The following NOL10 variants were observed in gnomAD, a reference collection of about 807,000 sequenced individuals.
NOL10 encodes the protein H_NH0074G24.1.
NOL10 carries 58 observed loss-of-function variants against 103.5 expected under a neutral mutation model. The ratio of observed to expected loss-of-function variants is 0.56; its 90% CI spans 0.45 to 0.70. The LOEUF is 0.70. Among genes scored for constraint, NOL10 ranks in the 30% least tolerant of loss-of-function variants. The probability of loss-of-function intolerance (pLI) is 0.00; values close to 1 mark genes in which losing one functional copy is unlikely to be tolerated. For synonymous variants in NOL10, 287 were observed against 282.5 expected (o/e 1.02, Z -0.16); for missense variants, 763 against 807.3 (o/e 0.95, Z 0.67).
At position 10,593,433 on chromosome 2, in the gene NOL10, C is replaced by T. The variant is rs531256379; in HGVS notation, c.1423-3682G>A. ...ATTACAGGCGTGAGCCACTGCACCC[C>T]GGCCAATCAAATTAGTTCTTTCAAT... On this transcript the variant is annotated intron_variant, in intron 17 of 20. Transcript: ENST00000381685. 5.3e-5 allele frequency among the ~76,000 whole-genome samples: 8 copies of T among 152,082 alleles called. No individual in the cohort carries two copies. The South Asian group carries it at 8.3e-4, about 16-fold the overall frequency.
chr2:10,642,476 A>G (rs925865636), intron 13 of NOL10, among the ~76,000 whole-genome samples: 1 of 152,008 alleles, frequency 6.6e-6, no homozygotes, highest in Non-Finnish European at 1.5e-5. Flanking sequence ...GTCTGATCCT[A>G]TCCCCCCGCT....
At chr2:10,674,394 A>G (rs908170809) in intron 4 of NOL10, among the ~76,000 whole-genome samples, 3 of 152,128 alleles carry the variant, frequency 2.0e-5, no homozygotes, top group Non-Finnish European at 4.4e-5. Context: ...GCCATTCAAA[A>G]TTCTAAGAAT....
chr2:10,598,924 A>G (rs566301033), intron 17 of NOL10, among the ~76,000 whole-genome samples: 64 of 152,354 alleles, frequency 4.2e-4, no homozygotes, highest in Non-Finnish European at 7.5e-4. Flanking sequence ...TGTTTTGTCA[A>G]AAATGTTTAA....
chr2:10,647,673 C>T (rs1031302977), intron 12 of NOL10, among the ~76,000 whole-genome samples: 5 of 152,218 alleles, frequency 3.3e-5, no homozygotes, highest in South Asian at 4.1e-4. Context: ...CTGGCAGGGG[C>T]GCTCCTGCCC....
chr2:10,578,994 T>C (rs1674614127), intron 19 of NOL10, among the ~76,000 whole-genome samples: 1 of 152,212 alleles, frequency 6.6e-6, no homozygotes, highest in African/African-American at 2.4e-5. Context: ...GGCTGAACTG[T>C]GTGAAAGAGT....
chr2:10,622,087 G>C (rs1237290732), intron 13 of NOL10: 4 of 471,170 alleles, frequency 8.5e-6, no homozygotes, highest in Non-Finnish European at 1.8e-5. Context: ...GAACGTGTCC[G>C]TCATCACAGA....
rs3214369 is a variant in NOL10, at chr2:10,577,773, AAATT to A, written c.1845-39_1845-36del. ...ATTCAAAAGAATGCCACATTAATCA[AAATT>A]ATGTTTTAATTTACCATTTGAAACA... On this transcript the variant is annotated intron_variant, in intron 19 of 20. Transcript: ENST00000381685. 4.5e-5 allele frequency: 62 copies of A among 1,369,426 alleles called. No individual in the cohort carries two copies. The East Asian group carries it at 1.2e-3, about 26-fold the overall frequency. The allele number at this position is 1,369,426 out of a possible 1,614,324, so 84.8% of individuals were successfully genotyped here.
rs529974979 is a variant in NOL10 at position 10,634,671 on chromosome 2, A to G, written c.1026+9649T>C. 85 of 453,836 alleles carry G rather than the reference A, an allele frequency of 1.9e-4. 1 individual carries two copies. The highest frequency in any genetic ancestry group is 4.8e-4 in the South Asian group (31 of 64,300). The allele number at this position is 453,836 out of a possible 1,614,324, so 28.1% of individuals were successfully genotyped here. ...GAGAGAATATAAATAAAGAAGAGAC[A>G]AGGACTAAGTCCTAGCGCTCACTAA... On this transcript the variant is annotated intron_variant, in intron 13 of 20. Transcript: ENST00000381685.
chr2:10,635,430 G>A (rs921927034), intron 13 of NOL10, among the ~76,000 whole-genome samples: 3 of 152,118 alleles, frequency 2.0e-5, no homozygotes, highest in African/African-American at 7.2e-5. Flanking sequence ...ATGATCATAA[G>A]GCAAAGAAAA....
At chr2:10,679,004 C>T (rs1216138609) in intron 3 of NOL10, among the ~76,000 whole-genome samples, 1 of 152,086 alleles carries the variant, frequency 6.6e-6, no homozygotes, top group Non-Finnish European at 1.5e-5. Context: ...CGGACAACTG[C>T]TTGAGTCCAG....
chr2:10,571,674 A>C lies in NOL10; in HGVS notation c.*397T>G, dbSNP rs866445700. ...CAGGGATGGTATTTCTGGATGGTTT[A>C]ATCATGAATGGCGGTAGGCAGTGTA... On this transcript the variant is annotated 3_prime_UTR_variant, in exon 21 of 21. Coordinates refer to ENST00000381685, the MANE Select transcript of NOL10 (RefSeq NM_024894.4). The C allele has an allele frequency of 2.9e-4, 46 of 157,294 alleles. No individual in the cohort carries two copies. The highest frequency in any genetic ancestry group is 8.7e-4 in the African/African-American group (36 of 41,602). The allele number at this position is 157,294 out of a possible 1,614,324, so 9.7% of individuals were successfully genotyped here. A position where few individuals can be genotyped will look rare whatever the true frequency, so the allele number is the denominator to read the frequency against.
Position 10,600,848 on chromosome 2 carries a change from C to T in NOL10, c.1422+5G>A. The stretch of plus-strand genomic sequence containing the variant: ...AAACAATTTGCCGATACTTTTTCAC[C>T]TTACCTTAACTTTCTTTTTCCATGT... On this transcript the variant is annotated splice_donor_5th_base_variant and intron_variant, in intron 17 of 20. Transcript: ENST00000381685. 1 of 1,531,332 alleles carries T rather than the reference C, an allele frequency of 6.5e-7. No individual in the cohort carries two copies. The highest frequency in any genetic ancestry group is 8.9e-7 in the Non-Finnish European group (1 of 1,129,930). The allele number at this position is 1,531,332 out of a possible 1,614,324, so 94.9% of individuals were successfully genotyped here. A position where few individuals can be genotyped will look rare whatever the true frequency, so the allele number is the denominator to read the frequency against.
chr2:10,592,504 T>A (rs1302605132), intron 17 of NOL10, among the ~76,000 whole-genome samples: 1 of 152,158 alleles, frequency 6.6e-6, no homozygotes, highest in Non-Finnish European at 1.5e-5. Context: ...GGGAGGGGGC[T>A]ATGATGTAAA....
chr2:10,674,234 A>G (rs1281220397), intron 4 of NOL10, among the ~76,000 whole-genome samples: 1 of 151,908 alleles, frequency 6.6e-6, no homozygotes, highest in African/African-American at 2.4e-5. Flanking sequence ...GTAAAAATAA[A>G]AAAAAAAACA....
intron 19 of NOL10, among the ~76,000 whole-genome samples, chr2:10,581,192 C>T (rs1674732189): frequency 2.0e-5 from 3 of 152,170 alleles, no homozygotes; most frequent in African/African-American, 7.2e-5. Flanking sequence ...TAATATCCGG[C>T]GTTGCTGGAG....
chr2:10,635,557 G>C (rs1165417959), intron 13 of NOL10, among the ~76,000 whole-genome samples: 1 of 152,126 alleles, frequency 6.6e-6, no homozygotes, highest in Admixed American at 6.6e-5. Context: ...ACATAAAAAA[G>C]AGACTGATAC....
chr2:10,645,131 T>C (rs1678965593), intron 12 of NOL10, among the ~76,000 whole-genome samples: 1 of 152,188 alleles, frequency 6.6e-6, no homozygotes, highest in Non-Finnish European at 1.5e-5. Flanking sequence ...TCAAAGAAGA[T>C]GTATCATCAG....
At chr2:10,678,051 G>T (rs771506466) in intron 3 of NOL10, among the ~76,000 whole-genome samples, 8 of 151,320 alleles carry the variant, frequency 5.3e-5, no homozygotes, top group Non-Finnish European at 1.2e-4. Flanking sequence ...TTTGTTTTTG[G>T]GGCTTTAATT....
intron 13 of NOL10, among the ~76,000 whole-genome samples, chr2:10,619,817 A>G (rs1211576475): frequency 2.6e-5 from 4 of 152,308 alleles, no homozygotes; most frequent in African/African-American, 9.6e-5. Flanking sequence ...CCTCGGCTAC[A>G]AACAGTCATT....
Sources: gnomAD v4.1 joint callset for allele counts (sites outside exome capture counted in the v4.1 genomes callset) on GRCh38, gnomAD v4.1.1 for gene constraint, MANE v1.5 for transcripts, NCBI Gene and HGNC (gene_info 2026-07-23, HGNC 2026-07-21) for gene names.